The following TUBE1 variants were observed in gnomAD, a reference collection of about 807,000 sequenced individuals.
The protein encoded by TUBE1 is tubulin epsilon chain.
TUBE1 carries 34 observed loss-of-function variants against 53.5 expected under a neutral mutation model. The observed-to-expected ratio is 0.64, with a 90% CI of 0.48 to 0.85. TUBE1 has a LOEUF of 0.85. Among genes scored for constraint, TUBE1 ranks in the 40% least tolerant of loss-of-function variants. The probability of loss-of-function intolerance (pLI) is 0.00; values close to 1 mark genes in which losing one functional copy is unlikely to be tolerated. For missense variants in TUBE1, 532 were observed against 570.5 expected (o/e 0.93, Z 0.69); for synonymous variants, 177 against 198.4 (o/e 0.89, Z 0.91).
chr6:112,071,660 T>TA, intron 11 of TUBE1, 90 bp from the exon 12 acceptor site: 3 of 1,130,632 alleles, frequency 2.7e-6, no homozygotes, highest in Non-Finnish European at 3.7e-6. Flanking sequence ...TTATTAAAAT[T>TA]AGAGTTCATT....
intron 9 of TUBE1, 92 bp from the exon 10 acceptor site, chr6:112,072,990 C>A: frequency 3.5e-6 from 4 of 1,148,698 alleles, no homozygotes; most frequent in Admixed American, 2.2e-5. Flanking sequence ...AAGTAAGAAA[C>A]CACACTAAAT....
Sources: gnomAD v4.1 joint callset for allele counts on GRCh38, gnomAD v4.1.1 for gene constraint, MANE v1.5 for transcripts, NCBI Gene and HGNC (gene_info 2026-07-23, HGNC 2026-07-21) for gene names.